The following FAM91A1 variants were observed in gnomAD, a reference collection of about 807,000 sequenced individuals.
The protein encoded by FAM91A1 is protein FAM91A1.
FAM91A1 carries 41 observed loss-of-function variants against 113.5 expected under a neutral mutation model. The observed-to-expected ratio is 0.36, with a 90% CI of 0.28 to 0.47. The LOEUF is 0.47. Among genes scored for constraint, FAM91A1 ranks in the 20% least tolerant of loss-of-function variants. The pLI, the probability that FAM91A1 is intolerant of heterozygous loss-of-function variation, is 1.00. For synonymous variants in FAM91A1, 307 were observed against 347.9 expected, an observed-to-expected ratio of 0.88 and a Z score of 1.31; for missense variants, 696 against 1,001.2, an observed-to-expected ratio of 0.70 and a Z score of 4.11.
In FAM91A1 at chr8:123,814,682, G is replaced by A. The variant is rs567241877; in HGVS notation, c.*1978G>A. Reference sequence around the variant, plus strand: ...GAGGCAAGGGTAATCATCTGATTCCGAGCTGAAGACCTCTGGTCCTCTTAA... The same window carrying A: ...GAGGCAAGGGTAATCATCTGATTCCAAGCTGAAGACCTCTGGTCCTCTTAA... On this transcript the variant is annotated 3_prime_UTR_variant, in exon 24 of 24. Coordinates refer to ENST00000334705, the MANE Select transcript of FAM91A1 (RefSeq NM_144963.4). 1 of 152,512 alleles carries A rather than the reference G, an allele frequency of 6.6e-6. No individual in the cohort carries two copies. Among genetic ancestry groups the A allele is most frequent in the Non-Finnish European group, 1.5e-5 (1 of 68,004 alleles). 9.4% of individuals were successfully genotyped at this position (152,512 alleles called of 1,614,324 possible). A position where few individuals can be genotyped will look rare whatever the true frequency, so the allele number is the denominator to read the frequency against.
intron 20 of FAM91A1, among the ~76,000 whole-genome samples, chr8:123,806,877 C>T (rs1243536580): frequency 6.6e-6 from 1 of 151,778 alleles, no homozygotes; most frequent in Non-Finnish European, 1.5e-5. Context: ...TTGACAATAG[C>T]TAATTTTCCT....
At chr8:123,794,928 T>C (rs1331641132) in intron 15 of FAM91A1, among the ~76,000 whole-genome samples, 4 of 152,246 alleles carry the variant, frequency 2.6e-5, no homozygotes, top group Admixed American at 2.6e-4. Context: ...GAAGGAAACT[T>C]ATGAAGCTGT....
intron 15 of FAM91A1, among the ~76,000 whole-genome samples, chr8:123,795,812 A>AG (rs1305031607): frequency 1.3e-5 from 2 of 152,134 alleles, no homozygotes; most frequent in African/African-American, 2.4e-5. Context: ...TAAGGCAGGA[A>AG]GGGGCAGGCT....
rs1183054497 is a variant in FAM91A1 at position 123,785,751 on chromosome 8, A to G, written c.962+10A>G. 1.3e-6 allele frequency: 2 copies of G among 1,517,302 alleles called. No individual in the cohort carries two copies. Among genetic ancestry groups the G allele is most frequent in the African/African-American group, 2.8e-5 (2 of 70,876 alleles). 94.0% of individuals were successfully genotyped at this position (1,517,302 alleles called of 1,614,324 possible). ...CCGTAAACAGATTAAAGTAACTTAAATTTATTCAGTATGAGCTATTAGAGT... is the reference window on the plus strand; with the variant it reads ...CCGTAAACAGATTAAAGTAACTTAAGTTTATTCAGTATGAGCTATTAGAGT... On this transcript the variant is annotated intron_variant, in intron 11 of 23. Coordinates refer to ENST00000334705, the MANE Select transcript of FAM91A1 (RefSeq NM_144963.4).
At chr8:123,768,854 C>T in intron 1 of FAM91A1, 80 bp downstream of exon 1, 2 of 1,421,422 alleles carry the variant, frequency 1.4e-6, no homozygotes, top group African/African-American at 1.4e-5. Flanking sequence ...TCGCGGGGCC[C>T]GAGCGGGCTG....
At chr8:123,785,014 T>C in intron 9 of FAM91A1, 67 bp from the exon 10 acceptor site, 8 of 1,173,260 alleles carry the variant, frequency 6.8e-6, no homozygotes, top group Non-Finnish European at 8.4e-6. Flanking sequence ...TATATTGGTC[T>C]ATTACAACTG....
At chr8:123,775,560 AG>A (rs756480762) in intron 3 of FAM91A1, among the ~76,000 whole-genome samples, 18 of 152,298 alleles carry the variant, frequency 1.2e-4, no homozygotes, top group South Asian at 1.0e-3. Context: ...GTGCTGTTGT[AG>A]TACTGATCAG....
chr8:123,790,499 T>C (rs748935739), intron 15 of FAM91A1, among the ~76,000 whole-genome samples: 1 of 152,362 alleles, frequency 6.6e-6, no homozygotes, highest in Non-Finnish European at 1.5e-5. Context: ...AAGAGTTGTG[T>C]CTTGGGGCTT....
Position 123,789,639 on chromosome 8 carries a change from A to G in FAM91A1, c.1305A>G (p.Ala435=). 1 of 1,611,944 alleles carries G rather than the reference A, an allele frequency of 6.2e-7. No individual in the cohort carries two copies. The highest frequency in any genetic ancestry group is 8.5e-7 in the Non-Finnish European group (1 of 1,179,720). ...EKVQSTGEGE[A]QRYFDHALTL... is the part of the protein sequence containing the mutation. ...TTCAGAGCACTGGTGAAGGAGAAGCACAGAGATATTTTGATCATGCACTTA... is the reference window on the plus strand; with the variant it reads ...TTCAGAGCACTGGTGAAGGAGAAGCGCAGAGATATTTTGATCATGCACTTA... Residue 435 remains alanine, a synonymous_variant, in exon 15 of 24, where the codon GCA becomes GCG. Coordinates refer to ENST00000334705, the MANE Select transcript of FAM91A1 (RefSeq NM_144963.4).
At chr8:123,787,118 A>G (rs1586379107) in intron 12 of FAM91A1, 143 bp from the exon 13 acceptor site, 30 of 616,968 alleles carry the variant, frequency 4.9e-5, no homozygotes. Flanking sequence ...GTATGGCTGG[A>G]ACTTCTTATG....
chr8:123,768,854 C>G (rs1814771697), intron 1 of FAM91A1, 80 bp downstream of exon 1: 3 of 1,421,422 alleles, frequency 2.1e-6, no homozygotes, highest in Non-Finnish European at 2.9e-6. Flanking sequence ...TCGCGGGGCC[C>G]GAGCGGGCTG....
In FAM91A1 at chr8:123,812,876, CAT is replaced by C. The variant is rs1380085761; in HGVS notation, c.*173_*174del. Reference sequence around the variant, plus strand: ...TTCTGAAGTTTTGCTCATTATTGCACATCTTATTGCGACAAAGTGCTTTTTAG... The same window carrying C: ...TTCTGAAGTTTTGCTCATTATTGCACCTTATTGCGACAAAGTGCTTTTTAG... On this transcript the variant is annotated 3_prime_UTR_variant, in exon 24 of 24. Coordinates refer to ENST00000334705, the MANE Select transcript of FAM91A1 (RefSeq NM_144963.4). 3.6e-6 allele frequency: 2 copies of C among 563,194 alleles called. No individual in the cohort carries two copies. The highest frequency in any genetic ancestry group is 2.0e-5 in the African/African-American group (1 of 51,040). 34.9% of individuals were successfully genotyped at this position (563,194 alleles called of 1,614,324 possible).
intron 15 of FAM91A1, among the ~76,000 whole-genome samples, chr8:123,797,495 C>A (rs2130125850): frequency 6.6e-6 from 1 of 152,306 alleles, no homozygotes; most frequent in Admixed American, 6.5e-5. Context: ...TCCTCCTCTT[C>A]AGCCTATTTA....
At chr8:123,808,460 T>C in intron 21 of FAM91A1, 84 bp downstream of exon 21, 1 of 1,040,632 alleles carries the variant, frequency 9.6e-7, no homozygotes, top group Non-Finnish European at 1.4e-6. Context: ...ATGCCATTTG[T>C]CTATTCTTAT....
chr8:123,788,054 A>G (rs1815300692), intron 14 of FAM91A1: 1 of 427,402 alleles, frequency 2.3e-6, no homozygotes, highest in Admixed American at 6.4e-5. Context: ...AATTTTTGCT[A>G]AAATAGCCTT....
intron 23 of FAM91A1, among the ~76,000 whole-genome samples, chr8:123,811,793 C>T (rs916932011): frequency 3.9e-5 from 6 of 152,000 alleles, no homozygotes; most frequent in East Asian, 1.9e-4. Flanking sequence ...GAGGTCTGTG[C>T]GGAATATATG....
intron 14 of FAM91A1, chr8:123,788,357 G>A (rs1484858696): frequency 1.6e-6 from 1 of 614,952 alleles, no homozygotes; most frequent in Admixed American, 6.3e-5. Flanking sequence ...CAAATAGTTT[G>A]TGTGCCTAAT....
At position 123,768,533 on chromosome 8, in the gene FAM91A1, C is replaced by T. The variant is rs1054591760; in HGVS notation, c.-170C>T. 1.3e-5 allele frequency: 7 copies of T among 542,400 alleles called. No homozygotes were observed. The highest frequency in any genetic ancestry group is 2.0e-5 in the African/African-American group (1 of 49,076). 33.6% of individuals were successfully genotyped at this position (542,400 alleles called of 1,614,324 possible). ...CTGCTGCTCTTGTACTCGGTTGGCC[C>T]GGGCGGCGCTGAACTGTCGGGAGCC... On this transcript the variant is annotated 5_prime_UTR_variant, in exon 1 of 24. Transcript: ENST00000334705.
chr8:123,768,580 C>A lies in FAM91A1; in HGVS notation c.-123C>A. 2.5e-6 allele frequency: 2 copies of A among 810,068 alleles called. No homozygotes were observed. Among genetic ancestry groups the A allele is most frequent in the Non-Finnish European group, 3.8e-6 (2 of 528,638 alleles). 50.2% of individuals were successfully genotyped at this position (810,068 alleles called of 1,614,324 possible). A position where few individuals can be genotyped will look rare whatever the true frequency, so the allele number is the denominator to read the frequency against. On this transcript the variant is annotated 5_prime_UTR_variant, in exon 1 of 24. Transcript: ENST00000334705. ...AGCCTAGGCCATGGGGCAGCCTGGG[C>A]CTTCTGCAGTGTGAGGCGCGGGGCC... is the stretch of plus-strand genomic sequence containing the variant.
Sources: allele counts gnomAD v4.1 joint callset (sites outside exome capture counted in the v4.1 genomes callset), GRCh38; gene constraint gnomAD v4.1.1; transcripts MANE v1.5; gene names NCBI Gene and HGNC (gene_info 2026-07-23, HGNC 2026-07-21).